Variants in FOXN3 observed in about 807,000 individuals in gnomAD.
FOXN3 encodes forkhead box protein N3.
FOXN3 carries 7 observed loss-of-function variants against 38.4 expected under a neutral mutation model. The ratio of observed to expected loss-of-function variants is 0.18; its 90% CI spans 0.10 to 0.34. The LOEUF (loss-of-function observed/expected upper bound fraction) is 0.34, where lower values mean the gene tolerates loss of function less well. Among genes scored for constraint, FOXN3 ranks in the 10% least tolerant of loss-of-function variants. FOXN3 has a pLI of 1.00. For missense variants in FOXN3, 456 were observed against 613.4 expected (o/e 0.74, Z 2.71); for synonymous variants, 230 against 242.2 (o/e 0.95, Z 0.47).
At chr14:89,491,535 A>G (rs1893575747) in intron 1 of FOXN3, among the ~76,000 whole-genome samples, 1 of 152,240 alleles carries the variant, frequency 6.6e-6, no homozygotes, top group African/African-American at 2.4e-5. Context: ...ACAGGGGCAC[A>G]GGATGCCCAA....
chr14:89,225,288 G>C (rs942536023), intron 4 of FOXN3, among the ~76,000 whole-genome samples: 3 of 152,052 alleles, frequency 2.0e-5, no homozygotes, highest in African/African-American at 7.2e-5. Context: ...CTGGGTGACA[G>C]AGTGAGACTG....
chr14:89,475,751 C>A (rs1893197474), intron 1 of FOXN3, among the ~76,000 whole-genome samples: 1 of 152,176 alleles, frequency 6.6e-6, no homozygotes, highest in Non-Finnish European at 1.5e-5. Flanking sequence ...AAAGAGCAAC[C>A]AGCAGGCCAT....
intron 1 of FOXN3, among the ~76,000 whole-genome samples, chr14:89,556,998 G>A (rs1040872917): frequency 6.6e-6 from 1 of 152,192 alleles, no homozygotes; most frequent in African/African-American, 2.4e-5. Flanking sequence ...CGGAACCTGT[G>A]GGGTGGGAAA....
rs1423850962 is a variant in FOXN3 at position 89,291,052 on chromosome 14, C to T, written c.681-10038G>A. ...GCTTGAAACTCACTCCAAATGTTCA[C>T]ATATGACCTCACCCAATCCACACGG... On this transcript the variant is annotated intron_variant, in intron 3 of 5. Transcript: ENST00000557258. 9 of 482,554 alleles carry T rather than the reference C, an allele frequency of 1.9e-5. No individual in the cohort carries two copies. The Admixed American group carries it at 2.0e-4, about 11-fold the overall frequency. 29.9% of individuals were successfully genotyped at this position (482,554 alleles called of 1,614,324 possible). A position where few individuals can be genotyped will look rare whatever the true frequency, so the allele number is the denominator to read the frequency against.
At chr14:89,425,429 T>C (rs576690140) in intron 1 of FOXN3, among the ~76,000 whole-genome samples, 7 of 151,952 alleles carry the variant, frequency 4.6e-5, no homozygotes, top group Non-Finnish European at 5.9e-5. Flanking sequence ...GTGCAATGGC[T>C]CAATCTCGGC....
At chr14:89,516,802 A>G (rs1218240606) in intron 1 of FOXN3, among the ~76,000 whole-genome samples, 1 of 152,116 alleles carries the variant, frequency 6.6e-6, no homozygotes, top group Admixed American at 6.6e-5. Context: ...AGCTCAAGCG[A>G]TCTGTCCACC....
In FOXN3 at chr14:89,412,866, T is replaced by C. The variant is rs1891578561; in HGVS notation, c.-14-376A>G. On this transcript the variant is annotated intron_variant, in intron 1 of 5. Coordinates refer to ENST00000557258, the MANE Select transcript of FOXN3 (RefSeq NM_005197.4). This position sits in a 1 kb window ranked among gnomAD's most constrained non-coding sequence, Gnocchi z 4.7. Reference sequence around the variant, plus strand: ...GTACGTTAAATTTTACTGTGAATTATTTTTTCTTCCAGAACAGAAGAAAAG... The same window carrying C: ...GTACGTTAAATTTTACTGTGAATTACTTTTTCTTCCAGAACAGAAGAAAAG... 1.3e-5 allele frequency among the ~76,000 whole-genome samples: 2 copies of C among 152,118 alleles called. No homozygotes were observed. Among genetic ancestry groups the C allele is most frequent in the Admixed American group, 6.6e-5 (1 of 15,258 alleles).
intron 4 of FOXN3, among the ~76,000 whole-genome samples, chr14:89,280,083 T>C (rs1886413882): frequency 6.6e-6 from 1 of 152,162 alleles, no homozygotes; most frequent in South Asian, 2.1e-4. Context: ...CATCCACATT[T>C]GGCCAGCAGG....
intron 1 of FOXN3, among the ~76,000 whole-genome samples, chr14:89,464,216 C>T (rs1406743343): frequency 6.6e-6 from 1 of 152,154 alleles, no homozygotes; most frequent in African/African-American, 2.4e-5. Context: ...ATAGGAGGGG[C>T]CATGAGATTC....
intron 2 of FOXN3, among the ~76,000 whole-genome samples, chr14:89,358,353 G>A (rs966929668): frequency 3.3e-5 from 5 of 152,298 alleles, no homozygotes; most frequent in African/African-American, 9.6e-5. Context: ...CAGGGTTAAG[G>A]GATTTGGGCT....
chr14:89,327,096 G>A (rs994938764), intron 3 of FOXN3, among the ~76,000 whole-genome samples: 2 of 152,080 alleles, frequency 1.3e-5, no homozygotes, highest in African/African-American at 2.4e-5. Flanking sequence ...TGTACACATA[G>A]GACCACAACA....
chr14:89,287,378 C>G (rs1256062538), intron 3 of FOXN3, among the ~76,000 whole-genome samples: 17 of 152,278 alleles, frequency 1.1e-4, no homozygotes, highest in Non-Finnish European at 1.5e-5. Flanking sequence ...TCTCGAACTC[C>G]TGACCTCAAG....
At chr14:89,526,327 T>G (rs1241451197) in intron 1 of FOXN3, among the ~76,000 whole-genome samples, 1 of 152,172 alleles carries the variant, frequency 6.6e-6, no homozygotes, top group African/African-American at 2.4e-5. Flanking sequence ...AGGAAAATTG[T>G]ATTCAAAGAT....
intron 1 of FOXN3, among the ~76,000 whole-genome samples, chr14:89,514,350 T>C (rs1258670130): frequency 1.3e-5 from 2 of 152,204 alleles, no homozygotes; most frequent in East Asian, 1.9e-4. Flanking sequence ...TCAATCAGAC[T>C]TGAGACCTTA....
At chr14:89,280,871 T>C (rs1404376090) in intron 4 of FOXN3, 79 bp downstream of exon 4, 5 of 1,283,162 alleles carry the variant, frequency 3.9e-6, no homozygotes, top group Non-Finnish European at 2.2e-6. Flanking sequence ...ACTGTCCTAT[T>C]TGACACCAAG....
chr14:89,412,699 T>A lies in FOXN3; in HGVS notation c.-14-209A>T, dbSNP rs1891574957. On this transcript the variant is annotated intron_variant, in intron 1 of 5. Transcript: ENST00000557258. The surrounding 1 kb of genome is among the most constrained non-coding windows in gnomAD (Gnocchi z 4.7). ...CTGATGAGAAAAATCAGCCCGCCAT[T>A]CATATAGCAAGGTGACCTGATGCCC... Among the ~76,000 whole-genome samples the A allele has an allele frequency of 6.6e-6, 1 of 151,862 alleles. No homozygotes were observed. Among genetic ancestry groups the A allele is most frequent in the Non-Finnish European group, 1.5e-5 (1 of 67,992 alleles).
intron 1 of FOXN3, among the ~76,000 whole-genome samples, chr14:89,580,504 G>A (rs190741266): frequency 1.1e-3 from 175 of 152,280 alleles, no homozygotes; most frequent in Admixed American, 3.5e-3. Context: ...CCTTTAAGGG[G>A]ATACAGTCTC....
chr14:89,369,221 C>T (rs1219500136), intron 2 of FOXN3, among the ~76,000 whole-genome samples: 1 of 152,190 alleles, frequency 6.6e-6, no homozygotes, highest in Non-Finnish European at 1.5e-5. Flanking sequence ...AGACTTTATA[C>T]ATAAGAAATT....
chr14:89,316,763 T>A (rs923360209), intron 3 of FOXN3, among the ~76,000 whole-genome samples: 36 of 151,928 alleles, frequency 2.4e-4, no homozygotes, highest in African/African-American at 8.7e-4. Context: ...CCTCCCAGGT[T>A]CAAGTGATTC....
Sources: allele counts gnomAD v4.1 joint callset (sites outside exome capture counted in the v4.1 genomes callset), GRCh38; gene constraint gnomAD v4.1.1; non-coding constraint Gnocchi (gnomAD v3.1); transcripts MANE v1.5; gene names NCBI Gene and HGNC (gene_info 2026-07-23, HGNC 2026-07-21).